RABGGTA: variants seen among roughly 807,000 people sequenced by gnomAD.
The protein encoded by RABGGTA is Rab geranylgeranyltransferase subunit alpha.
A neutral mutation model predicts 83.3 loss-of-function variants in RABGGTA; 69 were observed. The observed-to-expected ratio is 0.83, with a 90% confidence interval of 0.68 to 1.01. RABGGTA has a LOEUF of 1.01. Among genes scored for constraint, RABGGTA ranks in the 50% least tolerant of loss-of-function variants. The pLI is 0.00. For synonymous variants in RABGGTA, 310 were observed against 299.8 expected (o/e 1.03, Z -0.35); for missense variants, 681 against 712.7 (o/e 0.96, Z 0.51).
rs753328865 is a variant in RABGGTA, at chr14:24,266,787, G to A, written c.1456C>T (p.Arg486Cys). Reference protein sequence around the residue: ...RTLPPALAALRCLEVLQASDN... With the variant: ...RTLPPALAALCCLEVLQASDN... ...CATGGGTACTTTACCTCAAGGCAGC[G>A]CAGGGCAGCCAGTGCAGGTGGCAGG... is the stretch of plus-strand genomic sequence containing the variant. Residue 486 changes from arginine (R) to cysteine (C), a missense_variant, in exon 15 of 17, where the codon CGC becomes TGC. Around this residue, in one of 5 missense-constraint regions of RABGGTA, gnomAD observed 421 missense variants for 418.5 expected, o/e 1.01. Coordinates refer to ENST00000216840, the MANE Select transcript of RABGGTA (RefSeq NM_182836.3). 11 of 1,613,002 alleles carry A rather than the reference G, an allele frequency of 6.8e-6. No individual in the cohort carries two copies. The highest frequency in any genetic ancestry group is 1.7e-4 in the Middle Eastern group (1 of 6,058).
At chr14:24,271,314 A>G in intron 1 of RABGGTA, 145 bp from the exon 2 acceptor site, 1 of 563,234 alleles carries the variant, frequency 1.8e-6, no homozygotes, top group Non-Finnish European at 2.9e-6. Flanking sequence ...ACAAGAGGTG[A>G]GCACCCGGAC....
rs765789096 is a variant in RABGGTA, at chr14:24,266,898, T to A, written c.1354-9A>T. ...CAGAGCACTGTCAGATCCTGGGGGGTGAAGGGAGGAAGGAGGTGATGGGCT... is the reference window on the plus strand; with the variant it reads ...CAGAGCACTGTCAGATCCTGGGGGGAGAAGGGAGGAAGGAGGTGATGGGCT... On this transcript the variant is annotated splice_polypyrimidine_tract_variant and intron_variant, in intron 14 of 16. Transcript: ENST00000216840. 1 of 1,603,342 alleles carries A rather than the reference T, an allele frequency of 6.2e-7. No homozygotes were observed. The highest frequency in any genetic ancestry group is 1.1e-5 in the South Asian group (1 of 90,752).
At position 24,268,517 on chromosome 14, in the gene RABGGTA, T is replaced by A; in HGVS notation, c.1003A>T (p.Lys335Ter). 1 of 1,613,920 alleles carries A rather than the reference T, an allele frequency of 6.2e-7. No homozygotes were observed. Among genetic ancestry groups the A allele is most frequent in the East Asian group, 2.2e-5 (1 of 44,884 alleles). The change falls in exon 10 of 17, where the codon AAA becomes TAA. Residue 335 changes from lysine (K) to a stop codon, truncating the protein, a stop_gained. Transcript: ENST00000216840. LOFTEE classifies it high-confidence loss of function. ...TGGAGGCTGCAGGTTCCATCACCTT[T>A]TAAAAGCACGCATTCTTTCTGGACA... ...GDVQKECVLL[K>*]GRQEGWCRDS...
intron 15 of RABGGTA, 97 bp downstream of exon 15, chr14:24,266,679 G>A: frequency 7.8e-7 from 1 of 1,284,268 alleles, no homozygotes; most frequent in African/African-American, 1.5e-5. Context: ...TCGGGGTGGA[G>A]GGTCCTGCAC....
Position 24,270,923 on chromosome 14 carries a change from A to C in RABGGTA, c.28T>G (p.Ser10Ala), listed in dbSNP as rs1272371178. MHGRLKVKTSEEQAEAKRLE... is the reference protein window; with the variant it reads MHGRLKVKTAEEQAEAKRLE... ...CTTTTGGCCTCCGCCTGCTCTTCTG[A>C]CGTCTTCACCTTCAGGCGTCCGTGC... The change falls in exon 3 of 17, where the codon TCA becomes GCA. Residue 10 changes from serine (S) to alanine (A), a missense_variant. Coordinates refer to ENST00000216840, the MANE Select transcript of RABGGTA (RefSeq NM_182836.3). 1.4e-5 allele frequency: 23 copies of C among 1,613,980 alleles called. No individual in the cohort carries two copies. The highest frequency in any genetic ancestry group is 1.9e-5 in the Non-Finnish European group (23 of 1,179,882).
In RABGGTA at chr14:24,267,664, T is replaced by A. The variant is rs774920915; in HGVS notation, c.1349A>T (p.His450Leu). Residue 450 changes from histidine (H) to leucine (L), a missense_variant, in exon 14 of 17, where the codon CAC becomes CTC. His to Leu is a moderately conservative substitution (Grantham distance 99, BLOSUM62 -3). Transcript: ENST00000216840. ...YAEVRVLHLA[H>L]KDLTVLCHLE... ...GGCATGCATGGCAGCCCATACCTTG[T>A]GAGCCAGGTGCAGCACACGCACCTC... 1 of 1,610,068 alleles carries A rather than the reference T, an allele frequency of 6.2e-7. No homozygotes were observed. Among genetic ancestry groups the A allele is most frequent in the Non-Finnish European group, 8.5e-7 (1 of 1,178,948 alleles).
chr14:24,269,558 C>A lies in RABGGTA; in HGVS notation c.564G>T (p.Leu188Phe). The change falls in exon 6 of 17, where the codon TTG (leucine) becomes TTT (phenylalanine). Residue 188 changes from leucine (L) to phenylalanine (F), a missense_variant. By Grantham distance (22) the Leu-to-Phe change is conservative. Coordinates refer to ENST00000216840, the MANE Select transcript of RABGGTA (RefSeq NM_182836.3). The part of the protein sequence containing the change: ...YSSWHYRSCL[L>F]PQLHPQPDSG... ...AATCCGGCTGGGGGTGCAGCTGGGG[C>A]AAGAGACAGGAGCGGTAATGCCAGG... 6.2e-7 allele frequency: 1 copy of A among 1,611,262 alleles called. No homozygotes were observed. Among genetic ancestry groups the A allele is most frequent in the Non-Finnish European group, 8.5e-7 (1 of 1,177,416 alleles).
chr14:24,268,778 G>C lies in RABGGTA; in HGVS notation c.847C>G (p.Leu283Val). 6.3e-7 allele frequency: 1 copy of C among 1,579,026 alleles called. No homozygotes were observed. The highest frequency in any genetic ancestry group is 8.6e-7 in the Non-Finnish European group (1 of 1,162,542). ...TCTGGGGTCCTCCACTCCACAATCAGGGGAGAATCATCAACCATGAGCAGC... is the reference window on the plus strand; with the variant it reads ...TCTGGGGTCCTCCACTCCACAATCACGGGAGAATCATCAACCATGAGCAGC... ...ILLLMVDDSP[L>V]IVEWRTPDGR... is the part of the protein sequence containing the mutation. The change falls in exon 9 of 17, where the codon CTG becomes GTG. Residue 283 changes from leucine to valine, a missense_variant. Physicochemically the swap from Leu to Val is conservative, Grantham distance 32 (BLOSUM62 1). Coordinates refer to ENST00000216840, the MANE Select transcript of RABGGTA (RefSeq NM_182836.3).
Position 24,267,863 on chromosome 14 carries a change from A to T in RABGGTA, c.1236+7T>A. ...TCCCCCTGGTCTGTTCTGCAGACAGAACTTGCCTTGAGGGTCTGGAAGTAC... is the reference window on the plus strand; with the variant it reads ...TCCCCCTGGTCTGTTCTGCAGACAGTACTTGCCTTGAGGGTCTGGAAGTAC... On this transcript the variant is annotated splice_region_variant and intron_variant, in intron 13 of 16. Coordinates refer to ENST00000216840, the MANE Select transcript of RABGGTA (RefSeq NM_182836.3). 1 of 1,613,206 alleles carries T rather than the reference A, an allele frequency of 6.2e-7. No homozygotes were observed. The highest frequency in any genetic ancestry group is 8.5e-7 in the Non-Finnish European group (1 of 1,179,490).
chr14:24,266,757 G>A lies in RABGGTA; in HGVS notation c.1467+19C>T, dbSNP rs777884403. ...GAAAAGAACCACCCGTGACAGGGAC[G>A]GAGACATGGGTACTTTACCTCAAGG... On this transcript the variant is annotated intron_variant, in intron 15 of 16. Coordinates refer to ENST00000216840, the MANE Select transcript of RABGGTA (RefSeq NM_182836.3). 36 of 1,587,564 alleles carry A rather than the reference G, an allele frequency of 2.3e-5. No individual in the cohort carries two copies. Among genetic ancestry groups the A allele is most frequent in the Admixed American group, 1.5e-4 (9 of 59,970 alleles).
intron 4 of RABGGTA, 76 bp from the exon 5 acceptor site, chr14:24,270,216 A>G: frequency 1.3e-6 from 2 of 1,555,342 alleles, no homozygotes; most frequent in Non-Finnish European, 1.7e-6. Context: ...TTCTGCACCC[A>G]GCCCCCTACT....
At chr14:24,270,752 C>T (rs2040937435) in intron 3 of RABGGTA, 85 bp downstream of exon 3, 1 of 1,518,494 alleles carries the variant, frequency 6.6e-7, no homozygotes, top group Non-Finnish European at 8.9e-7. Flanking sequence ...TGGATCTAGG[C>T]AGTCTGACTC....
Position 24,265,674 on chromosome 14 carries a change from C to T in RABGGTA, c.1645G>A (p.Val549Met), listed in dbSNP as rs762953326. The change falls in exon 17 of 17, where the codon GTG becomes ATG. Residue 549 changes from valine (V) to methionine (M), a missense_variant. By Grantham distance (21) the Val-to-Met change is conservative. Transcript: ENST00000216840. ...TCAGCCAGTTGCTCCAAGATGCCCA[C>T]CGCTTGGCACAGCGGGTTACCCTGC... Reference protein sequence around the residue: ...NLQGNPLCQAVGILEQLAELL... With the variant: ...NLQGNPLCQAMGILEQLAELL... 12 of 1,613,498 alleles carry T rather than the reference C, an allele frequency of 7.4e-6. No homozygotes were observed. The East Asian group carries it at 1.1e-4, about 15-fold the overall frequency.
chr14:24,271,184 G>A lies in RABGGTA; in HGVS notation c.-54-15C>T, dbSNP rs1189810175. The A allele has an allele frequency of 7.4e-6, 11 of 1,478,120 alleles. No homozygotes were observed. Among genetic ancestry groups the A allele is most frequent in the Non-Finnish European group, 7.2e-6 (8 of 1,111,298 alleles). 91.6% of individuals were successfully genotyped at this position (1,478,120 alleles called of 1,614,324 possible). ...GCCCTTGAAGTCTGAGGAGAGAAGTGTCAATCACGTAGCCCCGCCCCTACT... is the reference window on the plus strand; with the variant it reads ...GCCCTTGAAGTCTGAGGAGAGAAGTATCAATCACGTAGCCCCGCCCCTACT... On this transcript the variant is annotated splice_polypyrimidine_tract_variant and intron_variant, in intron 1 of 16. Transcript: ENST00000216840.
chr14:24,269,922 G>A, intron 5 of RABGGTA, 31 bp downstream of exon 5: 1 of 1,607,776 alleles, frequency 6.2e-7, no homozygotes, highest in Non-Finnish European at 8.5e-7. Flanking sequence ...GGCAGGTGAG[G>A]GCTGTGGGGA....
rs1366113873 is a variant in RABGGTA at position 24,270,368 on chromosome 14, G to C, written c.205C>G (p.Arg69Gly). 6.2e-7 allele frequency: 1 copy of C among 1,613,776 alleles called. No homozygotes were observed. The highest frequency in any genetic ancestry group is 8.5e-7 in the Non-Finnish European group (1 of 1,179,868). Residue 69 changes from arginine to glycine, a missense_variant, in exon 4 of 17, where the codon CGA (arginine) becomes GGA (glycine). Around this residue, in one of 5 missense-constraint regions of RABGGTA, gnomAD observed 115 missense variants for 111.5 expected, o/e 1.03. Transcript: ENST00000216840. ...NPDFATLWNC[R>G]REVLQQLETQ... ...TCCAGCTGCTGGAGCACCTCTCGTC[G>C]GCAGTTCCAGAGGGTGGCAAAATCA...
At chr14:24,268,444 AG>A (rs773131530) in intron 10 of RABGGTA, 24 bp from the exon 11 acceptor site, 3 of 1,613,034 alleles carry the variant, frequency 1.9e-6, no homozygotes, top group Non-Finnish European at 1.7e-6. Flanking sequence ...AGGTGGTTGG[AG>A]GGTGCACCCT....
rs1234811880 is a variant in RABGGTA at position 24,268,537 on chromosome 14, T to C, written c.983A>G (p.Gln328Arg). Reference sequence around the variant, plus strand: ...ACCTTTTAAAAGCACGCATTCTTTCTGGACATCGCCTGCTGTCCAAATGAC... The same window carrying C: ...ACCTTTTAAAAGCACGCATTCTTTCCGGACATCGCCTGCTGTCCAAATGAC... Reference protein sequence around the residue: ...FRVIWTAGDVQKECVLLKGRQ... With the variant: ...FRVIWTAGDVRKECVLLKGRQ... Residue 328 changes from glutamine (Q) to arginine (R), a missense_variant, in exon 10 of 17, where the codon CAG becomes CGG. By Grantham distance (43) the Gln-to-Arg change is conservative. Transcript: ENST00000216840. The C allele has an allele frequency of 1.2e-6, 2 of 1,613,904 alleles. No individual in the cohort carries two copies. Among genetic ancestry groups the C allele is most frequent in the Non-Finnish European group, 1.7e-6 (2 of 1,179,884 alleles).
rs778752690 is a variant in RABGGTA at position 24,268,720 on chromosome 14, G to A, written c.900+5C>T. ...CCAACTTCTGCCCCACCAATCCTGGGATACCCAGACATGGCTGGGCCGGTT... is the reference window on the plus strand; with the variant it reads ...CCAACTTCTGCCCCACCAATCCTGGAATACCCAGACATGGCTGGGCCGGTT... On this transcript the variant is annotated splice_donor_5th_base_variant and intron_variant, in intron 9 of 16. Transcript: ENST00000216840. The A allele has an allele frequency of 3.1e-6, 5 of 1,601,304 alleles. No individual in the cohort carries two copies. The South Asian group carries it at 3.4e-5, about 11-fold the overall frequency.
Sources: gnomAD v4.1 joint callset for allele counts on GRCh38, gnomAD v4.1.1 for gene constraint, gnomAD v4.1.1 regional missense constraint, MANE v1.5 for transcripts, NCBI Gene and HGNC (gene_info 2026-07-23, HGNC 2026-07-21) for gene names.